PTPRZ1: variants seen among roughly 807,000 people sequenced by gnomAD.
PTPRZ1 encodes protein tyrosine phosphatase receptor type Z1, also known as receptor-type tyrosine-protein phosphatase zeta.
A neutral mutation model predicts 214.1 loss-of-function variants in PTPRZ1; 82 were observed. That is an observed-to-expected ratio of 0.38 (90% CI 0.32 to 0.46). The LOEUF (loss-of-function observed/expected upper bound fraction) is 0.46, where lower values mean the gene tolerates loss of function less well. Among genes scored for constraint, PTPRZ1 ranks in the 20% least tolerant of loss-of-function variants. PTPRZ1 has a pLI of 1.00. For missense variants in PTPRZ1, 2,603 were observed against 2,748.7 expected, an observed-to-expected ratio of 0.95 and a Z score of 1.19; for synonymous variants, 945 against 987.9, an observed-to-expected ratio of 0.96 and a Z score of 0.81.
At chr7:121,961,572 A>G (rs771545635) in intron 2 of PTPRZ1, among the ~76,000 whole-genome samples, 3 of 152,248 alleles carry the variant, frequency 2.0e-5, no homozygotes, top group Non-Finnish European at 4.4e-5. Context: ...ATAAACACAC[A>G]GGCAAGCTAA....
chr7:122,060,496 A>G (rs1486325174), intron 29 of PTPRZ1, among the ~76,000 whole-genome samples: 1 of 152,180 alleles, frequency 6.6e-6, no homozygotes, highest in Admixed American at 6.5e-5. Context: ...TAAGAGAAAA[A>G]CTGTTTCATG....
chr7:122,039,338 T>C, intron 19 of PTPRZ1, 116 bp from the exon 20 acceptor site: 2 of 1,127,120 alleles, frequency 1.8e-6, no homozygotes, highest in Non-Finnish European at 2.5e-6. Context: ...ATAAAACATT[T>C]AGAAGAGTGA....
intron 17 of PTPRZ1, 55 bp downstream of exon 17, chr7:122,034,433 T>C (rs1049256130): frequency 3.9e-6 from 6 of 1,526,092 alleles, no homozygotes; most frequent in Non-Finnish European, 4.5e-6. Context: ...TTTTGGTGCC[T>C]TTTAAAAGTG....
intron 14 of PTPRZ1, among the ~76,000 whole-genome samples, chr7:122,030,214 C>T (rs545219404): frequency 3.3e-5 from 5 of 152,102 alleles, no homozygotes; most frequent in African/African-American, 9.6e-5. Context: ...AAGATTCCCT[C>T]TTGATCACCT....
At chr7:121,985,695 G>T (rs995716121) in intron 8 of PTPRZ1, among the ~76,000 whole-genome samples, 1 of 152,138 alleles carries the variant, frequency 6.6e-6, no homozygotes, top group African/African-American at 2.4e-5. Flanking sequence ...CTCTGCTTCT[G>T]TCCCCCTAAG....
chr7:121,921,175 G>T (rs922336215), intron 1 of PTPRZ1, among the ~76,000 whole-genome samples: 4 of 152,214 alleles, frequency 2.6e-5, no homozygotes, highest in East Asian at 3.9e-4. Context: ...TAGAAAGATA[G>T]ATAAATTACA....
In PTPRZ1 at chr7:121,873,460, C is replaced by A. The variant is rs1328986808; in HGVS notation, c.-40C>A. The A allele has an allele frequency of 1.9e-6, 3 of 1,607,546 alleles. No individual in the cohort carries two copies. Among genetic ancestry groups the A allele is most frequent in the South Asian group, 2.2e-5 (2 of 90,648 alleles). On this transcript the variant is annotated 5_prime_UTR_variant, in exon 1 of 30. Coordinates refer to ENST00000393386, the MANE Select transcript of PTPRZ1 (RefSeq NM_002851.3). ...CCCCCTCCCTCTCCACTCTGAGAAG[C>A]AGAGGAGCCGCACGGCGAGGGGCCG...
chr7:121,925,845 A>G (rs992001320), intron 1 of PTPRZ1, among the ~76,000 whole-genome samples: 2 of 152,190 alleles, frequency 1.3e-5, no homozygotes, highest in Non-Finnish European at 2.9e-5. Context: ...AAGGTGCCCC[A>G]CTGAAGTTAG....
At chr7:121,977,244 T>TA (rs1262139883) in intron 6 of PTPRZ1, among the ~76,000 whole-genome samples, 3 of 152,188 alleles carry the variant, frequency 2.0e-5, no homozygotes, top group Non-Finnish European at 4.4e-5. Context: ...AAGGAATTGT[T>TA]ACTCAAGTTA....
intron 2 of PTPRZ1, among the ~76,000 whole-genome samples, chr7:121,965,725 T>G (rs1797029902): frequency 6.6e-6 from 1 of 152,150 alleles, no homozygotes; most frequent in South Asian, 2.1e-4. Context: ...AGGGTGGAAA[T>G]TTTGGGAGCC....
At chr7:121,974,845 C>A (rs1276810213) in intron 4 of PTPRZ1, among the ~76,000 whole-genome samples, 1 of 152,084 alleles carries the variant, frequency 6.6e-6, no homozygotes, top group African/African-American at 2.4e-5. Flanking sequence ...ACCCAAGGAT[C>A]ATCCCTGGCT....
At chr7:121,902,721 A>G (rs1280855953) in intron 1 of PTPRZ1, among the ~76,000 whole-genome samples, 2 of 151,996 alleles carry the variant, frequency 1.3e-5, no homozygotes, top group Non-Finnish European at 2.9e-5. Flanking sequence ...TATTATTACT[A>G]TTATTTTTAC....
chr7:121,904,296 C>T (rs1162626812), intron 1 of PTPRZ1, among the ~76,000 whole-genome samples: 1 of 152,034 alleles, frequency 6.6e-6, no homozygotes, highest in Admixed American at 6.6e-5. Context: ...ATCAAGGACA[C>T]CCCAGAAGGA....
rs563651095 is a variant in PTPRZ1 at position 121,931,372 on chromosome 7, A to G, written c.124+3151A>G. On this transcript the variant is annotated intron_variant, in intron 2 of 29. Transcript: ENST00000393386. ...GGAGGTTATTTTCCTCTAACCAATC[A>G]ATTTTCAAACAGAGAACTCAGATAT... Among the ~76,000 whole-genome samples the G allele has an allele frequency of 2.6e-5, 4 of 152,278 alleles. No homozygotes were observed. The East Asian group carries it at 7.7e-4, about 29-fold the overall frequency.
intron 10 of PTPRZ1, among the ~76,000 whole-genome samples, chr7:122,001,945 C>A (rs1798338938): frequency 6.6e-6 from 1 of 151,984 alleles, no homozygotes; most frequent in Admixed American, 6.6e-5. Context: ...AATTTTTGAA[C>A]TATTTAATAT....
chr7:122,049,041 A>G (rs1792090886), intron 23 of PTPRZ1, among the ~76,000 whole-genome samples: 1 of 152,126 alleles, frequency 6.6e-6, no homozygotes, highest in South Asian at 2.1e-4. Context: ...CAAAAATGAA[A>G]TGATGGTTTA....
intron 1 of PTPRZ1, among the ~76,000 whole-genome samples, chr7:121,922,580 A>T (rs2116349583): frequency 6.6e-6 from 1 of 152,294 alleles, no homozygotes; most frequent in East Asian, 1.9e-4. Flanking sequence ...GCCTCAAAAA[A>T]AAAAGTTGAT....
rs753992067 is a variant in PTPRZ1, at chr7:122,010,819, C to T, written c.1773C>T (p.Pro591=). The change falls in exon 12 of 30, where the codon CCC becomes CCT. Residue 591 remains proline, a synonymous_variant. Coordinates refer to ENST00000393386, the MANE Select transcript of PTPRZ1 (RefSeq NM_002851.3). ...CTGAAGATTCTTCAGGCTCCAGTCCCGCAACTTCTGCTATCCCATTCATCT... is the reference window on the plus strand; with the variant it reads ...CTGAAGATTCTTCAGGCTCCAGTCCTGCAACTTCTGCTATCCCATTCATCT... ...TGAEDSSGSS[P]ATSAIPFISE... is the part of the protein sequence containing the mutation. 9.9e-6 allele frequency: 16 copies of T among 1,613,916 alleles called. No homozygotes were observed. The highest frequency in any genetic ancestry group is 3.3e-5 in the South Asian group (3 of 91,082).
At chr7:121,995,993 T>TA (rs1328594600) in intron 8 of PTPRZ1, among the ~76,000 whole-genome samples, 1 of 152,318 alleles carries the variant, frequency 6.6e-6, no homozygotes, top group Admixed American at 6.5e-5. Context: ...CTATGGTTCT[T>TA]ATGTTTATAA....
Sources: allele counts gnomAD v4.1 joint callset (sites outside exome capture counted in the v4.1 genomes callset), GRCh38; gene constraint gnomAD v4.1.1; transcripts MANE v1.5; gene names NCBI Gene and HGNC (gene_info 2026-07-23, HGNC 2026-07-21).